HS6ST3: variants seen among roughly 807,000 people sequenced by gnomAD.
HS6ST3 encodes heparan sulfate 6-O-sulfotransferase 3.
Under a neutral mutation model 36.7 loss-of-function variants are expected in HS6ST3, and 12 were observed. That is an observed-to-expected ratio of 0.33 (90% CI 0.21 to 0.53). The LOEUF is 0.53. Ranked by LOEUF, HS6ST3 falls within the 20% of genes least tolerant of loss-of-function variation. HS6ST3 has a pLI of 0.95. For missense variants in HS6ST3, 584 were observed against 640.9 expected, an observed-to-expected ratio of 0.91 and a Z score of 0.96; for synonymous variants, 240 against 257.5, an observed-to-expected ratio of 0.93 and a Z score of 0.65.
Position 96,583,130 on chromosome 13 carries a change from G to T in HS6ST3, c.708-249360G>T, listed in dbSNP as rs145459444. ...CTGCCATTTTGCATCCAACAGGCAG[G>T]GTGATTTTTAAAACTCTATTTATGT... is the stretch of plus-strand genomic sequence containing the variant. On this transcript the variant is annotated intron_variant, in intron 1 of 1. Coordinates refer to ENST00000376705, the MANE Select transcript of HS6ST3 (RefSeq NM_153456.4). Among the ~76,000 whole-genome samples the T allele has an allele frequency of 2.0e-3, 297 of 150,770 alleles. 4 individuals carry two copies. The highest frequency in any genetic ancestry group is 7.0e-3 in the African/African-American group (286 of 41,068).
chr13:96,569,400 C>T (rs1443288816), intron 1 of HS6ST3, among the ~76,000 whole-genome samples: 2 of 152,244 alleles, frequency 1.3e-5, no homozygotes, highest in Non-Finnish European at 2.9e-5. Context: ...GAGACTGACG[C>T]CAAGGATAGC....
chr13:96,315,680 A>AT (rs11344992), intron 1 of HS6ST3, among the ~76,000 whole-genome samples: 6 of 151,626 alleles, frequency 4.0e-5, no homozygotes, highest in South Asian at 2.1e-4. Flanking sequence ...TAAAAATGCC[A>AT]TTTTTTTTTA....
rs138238992 is a variant in HS6ST3, at chr13:96,593,595, C to T, written c.708-238895C>T. On this transcript the variant is annotated intron_variant, in intron 1 of 1. Coordinates refer to ENST00000376705, the MANE Select transcript of HS6ST3 (RefSeq NM_153456.4). ...AGACTCTGATGCATTCTTCAGTATGCCCACTTCATTTTTCAGCTCCAGAAT... is the reference window on the plus strand; with the variant it reads ...AGACTCTGATGCATTCTTCAGTATGTCCACTTCATTTTTCAGCTCCAGAAT... Among the ~76,000 whole-genome samples, 144 of 151,506 alleles carry T rather than the reference C, an allele frequency of 9.5e-4. 2 individuals carry two copies. In the East Asian group the frequency reaches 0.025, roughly 26 times the overall value.
intron 1 of HS6ST3, among the ~76,000 whole-genome samples, chr13:96,152,374 G>A (rs1318584807): frequency 8.0e-6 from 1 of 125,372 alleles, no homozygotes; most frequent in Non-Finnish European, 1.6e-5. Context: ...GTCTCGCTCT[G>A]TCCCCCAGGC....
At chr13:96,322,150 C>G (rs1357287497) in intron 1 of HS6ST3, among the ~76,000 whole-genome samples, 1 of 152,080 alleles carries the variant, frequency 6.6e-6, no homozygotes, top group East Asian at 1.9e-4. Context: ...TAGTTTCTAC[C>G]ACTCTATCTG....
intron 1 of HS6ST3, among the ~76,000 whole-genome samples, chr13:96,334,670 C>T (rs2055090931): frequency 6.6e-6 from 1 of 152,202 alleles, no homozygotes; most frequent in East Asian, 1.9e-4. Flanking sequence ...GGGTTTTCCC[C>T]TTATAAAACC....
intron 1 of HS6ST3, among the ~76,000 whole-genome samples, chr13:96,244,467 C>G (rs1368932266): frequency 6.6e-6 from 1 of 151,990 alleles, no homozygotes; most frequent in African/African-American, 2.4e-5. Flanking sequence ...TTAAATTAAT[C>G]AAGGAGGTGT....
intron 1 of HS6ST3, among the ~76,000 whole-genome samples, chr13:96,258,720 T>C (rs1176102189): frequency 1.3e-5 from 2 of 152,186 alleles, no homozygotes; most frequent in Non-Finnish European, 2.9e-5. Flanking sequence ...CTATAGTAGA[T>C]ATTGAATGGA....
intron 1 of HS6ST3, among the ~76,000 whole-genome samples, chr13:96,382,476 T>C (rs936333105): frequency 6.6e-6 from 1 of 152,226 alleles, no homozygotes; most frequent in African/African-American, 2.4e-5. Context: ...AAAATATATC[T>C]TGATAAACTC....
chr13:96,360,892 G>A (rs962199386), intron 1 of HS6ST3, among the ~76,000 whole-genome samples: 5 of 149,406 alleles, frequency 3.3e-5, no homozygotes, highest in African/African-American at 1.2e-4. Flanking sequence ...GTTGCAGTAA[G>A]CTGAGATCTT....
At chr13:96,668,049 G>A (rs1004969943) in intron 1 of HS6ST3, among the ~76,000 whole-genome samples, 1 of 152,106 alleles carries the variant, frequency 6.6e-6, no homozygotes, top group Admixed American at 6.6e-5. Flanking sequence ...TTTAAGTAAT[G>A]TACAAGGGTT....
intron 1 of HS6ST3, among the ~76,000 whole-genome samples, chr13:96,395,122 C>T (rs1274868709): frequency 1.3e-5 from 2 of 152,048 alleles, no homozygotes; most frequent in African/African-American, 4.8e-5. Flanking sequence ...TCTATTTGCT[C>T]CAGAGGGTAT....
intron 1 of HS6ST3, among the ~76,000 whole-genome samples, chr13:96,249,611 C>T (rs2054598765): frequency 3.3e-5 from 5 of 152,070 alleles, no homozygotes. Context: ...ACTTCGTCTC[C>T]CCAGTATAAT....
chr13:96,211,218 C>A (rs949728663), intron 1 of HS6ST3, among the ~76,000 whole-genome samples: 1 of 152,144 alleles, frequency 6.6e-6, no homozygotes, highest in Non-Finnish European at 1.5e-5. Flanking sequence ...AGATGTGAGC[C>A]CATAATCCAG....
chr13:96,123,944 A>G (rs971198579), intron 1 of HS6ST3, among the ~76,000 whole-genome samples: 4 of 152,208 alleles, frequency 2.6e-5, no homozygotes, highest in Non-Finnish European at 5.9e-5. Flanking sequence ...TCTTAGAAGT[A>G]TTATAGAAAA....
At chr13:96,210,896 TGTTGTTATCA>T (rs1001275251) in intron 1 of HS6ST3, among the ~76,000 whole-genome samples, 2 of 151,856 alleles carry the variant, frequency 1.3e-5, no homozygotes, top group Admixed American at 6.6e-5. Flanking sequence ...ACCCAGCCAG[TGTTGTTATCA>T]GTTGTTATCA....
chr13:96,373,042 G>T (rs1025159405), intron 1 of HS6ST3, among the ~76,000 whole-genome samples: 15 of 152,062 alleles, frequency 9.9e-5, no homozygotes, highest in Admixed American at 9.2e-4. Flanking sequence ...GCTTCTGTTG[G>T]CTCCAGGTCT....
chr13:96,401,311 T>C (rs1398185126), intron 1 of HS6ST3, among the ~76,000 whole-genome samples: 1 of 146,988 alleles, frequency 6.8e-6, no homozygotes, highest in Non-Finnish European at 1.5e-5. Flanking sequence ...TTCAAGTTGA[T>C]GTCAATACAA....
chr13:96,288,791 G>A (rs936270785), intron 1 of HS6ST3, among the ~76,000 whole-genome samples: 34 of 152,038 alleles, frequency 2.2e-4, no homozygotes, highest in Admixed American at 2.1e-3. Context: ...TATTAACAAT[G>A]TTTTGTAGGT....
Sources: allele counts gnomAD v4.1 joint callset (sites outside exome capture counted in the v4.1 genomes callset), GRCh38; gene constraint gnomAD v4.1.1; transcripts MANE v1.5; gene names NCBI Gene and HGNC (gene_info 2026-07-23, HGNC 2026-07-21).